Variants in LIPH observed in about 807,000 individuals in gnomAD.
LIPH encodes the protein lipase member H.
LIPH carries 32 observed loss-of-function variants against 47.6 expected under a neutral mutation model. The ratio of observed to expected loss-of-function variants is 0.67; its 90% CI spans 0.51 to 0.90. The LOEUF (loss-of-function observed/expected upper bound fraction) is 0.90. Among genes scored for constraint, LIPH ranks in the 40% least tolerant of loss-of-function variants. The pLI, the probability that LIPH is intolerant of heterozygous loss-of-function variation, is 0.00. For synonymous variants in LIPH, 190 were observed against 195.6 expected, an observed-to-expected ratio of 0.97 and a Z score of 0.24; for missense variants, 497 against 541.4, an observed-to-expected ratio of 0.92 and a Z score of 0.81.
At chr3:185,534,657 T>C (rs1720443470) in intron 2 of LIPH, 108 bp downstream of exon 2, 6 of 1,136,140 alleles carry the variant, frequency 5.3e-6, no homozygotes, top group Non-Finnish European at 6.5e-6. Context: ...ATTTGCAAAA[T>C]GTTGCAATAT....
At chr3:185,540,587 G>A (rs553975966) in intron 1 of LIPH, among the ~76,000 whole-genome samples, 6 of 152,048 alleles carry the variant, frequency 3.9e-5, no homozygotes, top group Admixed American at 1.3e-4. Flanking sequence ...GCATGGTGGC[G>A]TGCGCCTGTA....
intron 9 of LIPH, 131 bp from the exon 10 acceptor site, chr3:185,509,008 C>A: frequency 2.9e-6 from 2 of 690,818 alleles, no homozygotes; most frequent in Non-Finnish European, 5.2e-6. Flanking sequence ...CTTACGGTGG[C>A]CAGGCACGGT....
chr3:185,519,264 T>G lies in LIPH; in HGVS notation c.764A>C (p.Tyr255Ser), dbSNP rs768740653. 1.2e-6 allele frequency: 2 copies of G among 1,613,122 alleles called. No homozygotes were observed. The highest frequency in any genetic ancestry group is 1.7e-6 in the Non-Finnish European group (2 of 1,179,084). ...GCAGCTCTCTCTCAGGGAAGACAGG[T>G]ACAGGTATACAGACCTCTGGTGGTC... ...KCDHQRSVYL[Y>S]LSSLRESCTI... Residue 255 changes from tyrosine to serine, a missense_variant, in exon 6 of 10, where the codon TAC (tyrosine) becomes TCC (serine). By Grantham distance (144) the Tyr-to-Ser change is moderately radical. Transcript: ENST00000296252.
intron 5 of LIPH, among the ~76,000 whole-genome samples, chr3:185,520,009 G>A (rs1007917066): frequency 3.9e-5 from 6 of 151,992 alleles, no homozygotes; most frequent in East Asian, 1.9e-4. Flanking sequence ...CAGAGGAGGC[G>A]CAGGCATCAG....
Position 185,524,176 on chromosome 3 carries a change from T to C in LIPH, c.629-16A>G. The C allele has an allele frequency of 6.7e-7, 1 of 1,495,746 alleles. No homozygotes were observed. 92.7% of individuals were successfully genotyped at this position (1,495,746 alleles called of 1,614,324 possible). On this transcript the variant is annotated splice_polypyrimidine_tract_variant and intron_variant, in intron 4 of 9. Coordinates refer to ENST00000296252, the MANE Select transcript of LIPH (RefSeq NM_139248.3). ...TAGCCCAGTGCTAAAAGAGAACACA[T>C]TCTGCTTTTATACTCCTTTGAATTT...
chr3:185,552,490 G>T lies in LIPH; in HGVS notation c.-19C>A. The T allele has an allele frequency of 6.4e-7, 1 of 1,561,476 alleles. No individual in the cohort carries two copies. Among genetic ancestry groups the T allele is most frequent in the Non-Finnish European group, 8.8e-7 (1 of 1,132,146 alleles). On this transcript the variant is annotated 5_prime_UTR_variant, in exon 1 of 10. Coordinates refer to ENST00000296252, the MANE Select transcript of LIPH (RefSeq NM_139248.3). Reference sequence around the variant, plus strand: ...TCAACATATGGAAACTGGAGAGATCGTGTGTCACATTCACAAGAATGATTT... The same window carrying T: ...TCAACATATGGAAACTGGAGAGATCTTGTGTCACATTCACAAGAATGATTT...
At chr3:185,512,718 A>T (rs971668360) in intron 8 of LIPH, among the ~76,000 whole-genome samples, 2 of 151,568 alleles carry the variant, frequency 1.3e-5, no homozygotes, top group Non-Finnish European at 2.9e-5. Flanking sequence ...TGAACTCCTG[A>T]CCTCAGGTGA....
intron 1 of LIPH, among the ~76,000 whole-genome samples, chr3:185,544,687 T>A (rs1720816282): frequency 6.6e-6 from 1 of 152,160 alleles, no homozygotes; most frequent in African/African-American, 2.4e-5. Context: ...CACTTGCATT[T>A]TTTCTGCAAC....
At chr3:185,543,024 C>A (rs972346174) in intron 1 of LIPH, among the ~76,000 whole-genome samples, 10 of 152,062 alleles carry the variant, frequency 6.6e-5, no homozygotes, top group Non-Finnish European at 1.3e-4. Flanking sequence ...GCCTGGGCAA[C>A]ATGGCAAAAC....
At chr3:185,531,793 C>T (rs1448487370) in intron 3 of LIPH, among the ~76,000 whole-genome samples, 1 of 152,096 alleles carries the variant, frequency 6.6e-6, no homozygotes, top group African/African-American at 2.4e-5. Context: ...GGAATACAAA[C>T]AGAATGTAAA....
chr3:185,510,651 C>T (rs577505126), intron 9 of LIPH, among the ~76,000 whole-genome samples: 17 of 152,190 alleles, frequency 1.1e-4, no homozygotes, highest in African/African-American at 2.9e-4. Context: ...GAGACAAAGG[C>T]GGGCGGATAC....
At chr3:185,532,674 C>T (rs556098722) in intron 3 of LIPH, among the ~76,000 whole-genome samples, 2 of 152,246 alleles carry the variant, frequency 1.3e-5, no homozygotes, top group African/African-American at 4.8e-5. Context: ...CCTGTAATCC[C>T]AGCTCCTGAG....
At position 185,508,614 on chromosome 3, in the gene LIPH, G is replaced by A. The variant is rs1719456014; in HGVS notation, c.*176C>T. 7.9e-6 allele frequency: 5 copies of A among 630,860 alleles called. No homozygotes were observed. Among genetic ancestry groups the A allele is most frequent in the Non-Finnish European group, 1.1e-5 (4 of 351,390 alleles). The allele number at this position is 630,860 out of a possible 1,614,324, so 39.1% of individuals were successfully genotyped here. On this transcript the variant is annotated 3_prime_UTR_variant, in exon 10 of 10. Transcript: ENST00000296252. ...TAGTTAGGGGCTCCTTCCCAGGATC[G>A]TTTTATAATCACAAGGTTGTTTGAT...
intron 5 of LIPH, among the ~76,000 whole-genome samples, chr3:185,520,649 C>G (rs1022394150): frequency 2.0e-5 from 3 of 152,140 alleles, no homozygotes; most frequent in African/African-American, 4.8e-5. Flanking sequence ...GGAGCTCTCT[C>G]ACTCCCCTGC....
chr3:185,516,378 A>T (rs1008741677), intron 7 of LIPH, among the ~76,000 whole-genome samples: 1 of 152,162 alleles, frequency 6.6e-6, no homozygotes, highest in Admixed American at 6.6e-5. Context: ...GATTGCAGTG[A>T]GCTGAGATTG....
At chr3:185,513,338 C>CAAA (rs56090966) in intron 8 of LIPH, among the ~76,000 whole-genome samples, 4 of 109,786 alleles carry the variant, frequency 3.6e-5, no homozygotes, top group African/African-American at 6.9e-5. Flanking sequence ...GGCTCTGTCT[C>CAAA]AAAAAAAAAA....
chr3:185,533,626 G>T lies in LIPH; in HGVS notation c.471C>A (p.Ala157=), dbSNP rs1395906400. The T allele has an allele frequency of 6.2e-7, 1 of 1,613,988 alleles. No homozygotes were observed. Among genetic ancestry groups the T allele is most frequent in the Middle Eastern group, 1.6e-4 (1 of 6,062 alleles). ...TCTCTCCAACAAACCCAGATATGTG[G>T]GCTCCTAGACTTACTCCGATCATGT... ...DIYMIGVSLG[A]HISGFVGEMY... Residue 157 remains alanine (A), a synonymous_variant, in exon 3 of 10, where the codon GCC becomes GCA. Coordinates refer to ENST00000296252, the MANE Select transcript of LIPH (RefSeq NM_139248.3).
chr3:185,529,176 C>CA (rs1173804674), intron 3 of LIPH, among the ~76,000 whole-genome samples: 4,222 of 54,080 alleles, frequency 0.078, 486 homozygotes, highest in Non-Finnish European at 0.089. Context: ...GACTCCGTCT[C>CA]AAAAAAAAAA....
In LIPH at chr3:185,511,716, A is replaced by G; in HGVS notation, c.1095-19T>C. 6.3e-7 allele frequency: 1 copy of G among 1,580,170 alleles called. No homozygotes were observed. Among genetic ancestry groups the G allele is most frequent in the Non-Finnish European group, 8.7e-7 (1 of 1,149,112 alleles). The stretch of plus-strand genomic sequence containing the variant: ...GGGTTCACTGGAAGGAAGAAGTAAT[A>G]CTGAAAAATGGATAAAGACTACTAA... On this transcript the variant is annotated intron_variant, in intron 8 of 9. Transcript: ENST00000296252.
Sources: gnomAD v4.1 joint callset for allele counts (sites outside exome capture counted in the v4.1 genomes callset) on GRCh38, gnomAD v4.1.1 for gene constraint, MANE v1.5 for transcripts, NCBI Gene and HGNC (gene_info 2026-07-23, HGNC 2026-07-21) for gene names.